PCMT1: variants seen among roughly 807,000 people sequenced by gnomAD.
PCMT1 encodes the protein protein-L-isoaspartate(D-aspartate) O-methyltransferase.
A neutral mutation model predicts 29.2 loss-of-function variants in PCMT1; 9 were observed. That is an observed-to-expected ratio of 0.31 (90% CI 0.19 to 0.54). The LOEUF (loss-of-function observed/expected upper bound fraction) is 0.54, where lower values mean the gene tolerates loss of function less well. PCMT1 is among the 20% of genes least tolerant of loss of function. PCMT1 has a pLI of 0.95. For synonymous variants in PCMT1, 98 were observed against 97.5 expected, an observed-to-expected ratio of 1.00 and a Z score of -0.03; for missense variants, 184 against 282.2, an observed-to-expected ratio of 0.65 and a Z score of 2.49.
At chr6:149,756,519 T>G (rs1456216855) in intron 1 of PCMT1, among the ~76,000 whole-genome samples, 1 of 127,152 alleles carries the variant, frequency 7.9e-6, no homozygotes, top group African/African-American at 3.0e-5. Flanking sequence ...TGGCTTTTTT[T>G]TTTTTTTTTT....
intron 2 of PCMT1, chr6:149,772,199 C>G: frequency 2.4e-6 from 1 of 409,158 alleles, no homozygotes; most frequent in Non-Finnish European, 4.8e-6. Context: ...CCCGAAGGCA[C>G]CTGCTACCAC....
chr6:149,774,430 G>A (rs1436827738), intron 3 of PCMT1, among the ~76,000 whole-genome samples: 5 of 150,730 alleles, frequency 3.3e-5, no homozygotes, highest in Admixed American at 6.6e-5. Flanking sequence ...TAGTAGAGAC[G>A]GGGCTTCACT....
chr6:149,795,414 CA>C, intron 5 of PCMT1: 1 of 401,358 alleles, frequency 2.5e-6, no homozygotes. Flanking sequence ...TTTGAGAATG[CA>C]AAAGAAGGAG....
intron 1 of PCMT1, among the ~76,000 whole-genome samples, chr6:149,753,366 C>CT (rs1219571499): frequency 8.4e-6 from 1 of 118,498 alleles, no homozygotes; most frequent in Non-Finnish European, 1.7e-5. Flanking sequence ...GAGTTTCGCT[C>CT]TTATTGCCCA....
chr6:149,749,830 C>T lies in PCMT1; in HGVS notation c.-72C>T, dbSNP rs1411988901. 6.4e-7 allele frequency: 1 copy of T among 1,565,010 alleles called. No homozygotes were observed. The highest frequency in any genetic ancestry group is 2.4e-5 in the East Asian group (1 of 42,376). On this transcript the variant is annotated 5_prime_UTR_variant, in exon 1 of 8. Coordinates refer to ENST00000464889, the MANE Select transcript of PCMT1 (RefSeq NM_001360452.2). ...GGTGACGGTGTGGGAGGTGGTCTCA[C>T]TCTTGGGAAAACTGCTGGGCACCGT...
At chr6:149,758,568 AT>A (rs1220562515) in intron 1 of PCMT1, among the ~76,000 whole-genome samples, 1 of 151,816 alleles carries the variant, frequency 6.6e-6, no homozygotes, top group East Asian at 1.9e-4. Flanking sequence ...TGTGGAGTGT[AT>A]GTGTTTTAGT....
At chr6:149,763,537 T>G (rs1786950777) in intron 1 of PCMT1, among the ~76,000 whole-genome samples, 1 of 151,960 alleles carries the variant, frequency 6.6e-6, no homozygotes, top group African/African-American at 2.4e-5. Flanking sequence ...TAATAACAAT[T>G]TAGAGTTTTT....
chr6:149,791,123 C>T (rs879677056), intron 4 of PCMT1, among the ~76,000 whole-genome samples: 31 of 152,126 alleles, frequency 2.0e-4, no homozygotes, highest in Admixed American at 1.4e-3. Context: ...GGCCCTGGGA[C>T]ATGTCTGAGG....
At chr6:149,796,706 C>T (rs969573122) in intron 6 of PCMT1, 13 of 432,120 alleles carry the variant, frequency 3.0e-5, no homozygotes, top group African/African-American at 4.1e-5. Flanking sequence ...CAGTTTGTGG[C>T]GCTCATATTT....
At chr6:149,786,103 G>C (rs1205990599) in intron 3 of PCMT1, among the ~76,000 whole-genome samples, 3 of 142,290 alleles carry the variant, frequency 2.1e-5, no homozygotes, top group African/African-American at 5.3e-5. Flanking sequence ...CTTCCCAGTA[G>C]GGGCGGCCGG....
intron 1 of PCMT1, among the ~76,000 whole-genome samples, chr6:149,753,216 T>C (rs971947154): frequency 6.6e-6 from 1 of 152,214 alleles, no homozygotes; most frequent in African/African-American, 2.4e-5. Flanking sequence ...ACTGTGTATA[T>C]TCTTCCTAAA....
intron 3 of PCMT1, among the ~76,000 whole-genome samples, chr6:149,787,762 T>TA (rs1342407135): frequency 2.0e-5 from 3 of 152,196 alleles, no homozygotes; most frequent in African/African-American, 7.2e-5. Context: ...TTACCATTGG[T>TA]AAAGCAAATC....
chr6:149,750,772 G>A (rs982010039), intron 1 of PCMT1, among the ~76,000 whole-genome samples: 2 of 152,100 alleles, frequency 1.3e-5, no homozygotes, highest in African/African-American at 4.8e-5. Context: ...GATAATTTTA[G>A]GATAGGATGA....
intron 1 of PCMT1, among the ~76,000 whole-genome samples, chr6:149,767,272 T>G (rs1483304163): frequency 2.1e-5 from 3 of 145,878 alleles, no homozygotes; most frequent in Non-Finnish European, 4.5e-5. Flanking sequence ...TTTTTTTTTC[T>G]GCTGCTCTTC....
intron 1 of PCMT1, among the ~76,000 whole-genome samples, chr6:149,761,084 ATATG>A (rs1786720738): frequency 6.6e-6 from 1 of 150,690 alleles, no homozygotes; most frequent in African/African-American, 2.4e-5. Flanking sequence ...TGATATAACT[ATATG>A]AAGGAAGGGG....
At chr6:149,785,893 A>C (rs1334257631) in intron 3 of PCMT1, among the ~76,000 whole-genome samples, 4 of 151,910 alleles carry the variant, frequency 2.6e-5, no homozygotes, top group African/African-American at 9.7e-5. Context: ...CGCCATTGTC[A>C]TCCTGGCCCG....
chr6:149,757,108 C>T (rs958163919), intron 1 of PCMT1, among the ~76,000 whole-genome samples: 2 of 152,048 alleles, frequency 1.3e-5, no homozygotes, highest in South Asian at 2.1e-4. Context: ...GACCTGAGAT[C>T]GCTCCATTGT....
rs371091473 is a variant in PCMT1 at position 149,806,223 on chromosome 6, G to A, written c.*37+3807G>A. Among the ~76,000 whole-genome samples the A allele has an allele frequency of 8.1e-4, 123 of 152,264 alleles. 2 individuals carry two copies. In the South Asian group the frequency reaches 0.023, roughly 28 times the overall value. On this transcript the variant is annotated intron_variant, in intron 7 of 7. Coordinates refer to ENST00000464889, the MANE Select transcript of PCMT1 (RefSeq NM_001360452.2). ...CTGCTCTCATGGAGCTTACAGTAAC[G>A]TAGGAGATGCAAAGACCAAGATGAA...
chr6:149,766,191 T>C (rs779559597), intron 1 of PCMT1, among the ~76,000 whole-genome samples: 4 of 152,130 alleles, frequency 2.6e-5, no homozygotes, highest in Non-Finnish European at 5.9e-5. Flanking sequence ...CTGTCTTTGC[T>C]ATACAATTGG....
Sources: gnomAD v4.1 joint callset for allele counts (sites outside exome capture counted in the v4.1 genomes callset) on GRCh38, gnomAD v4.1.1 for gene constraint, MANE v1.5 for transcripts, NCBI Gene and HGNC (gene_info 2026-07-23, HGNC 2026-07-21) for gene names.